SLC24A2: variants seen among roughly 807,000 people sequenced by gnomAD.
SLC24A2 encodes sodium/potassium/calcium exchanger 2.
A neutral mutation model predicts 62.0 loss-of-function variants in SLC24A2; 36 were observed. The ratio of observed to expected loss-of-function variants is 0.58; its 90% confidence interval spans 0.44 to 0.77. The LOEUF (loss-of-function observed/expected upper bound fraction) is 0.77, where lower values mean the gene tolerates loss of function less well. Ranked by LOEUF, SLC24A2 falls within the 30% of genes least tolerant of loss-of-function variation. SLC24A2 has a pLI of 0.00. For missense variants in SLC24A2, 846 were observed against 817.9 expected (o/e 1.03, Z -0.42); for synonymous variants, 358 against 294.0 (o/e 1.22, Z -2.23).
intron 2 of SLC24A2, among the ~76,000 whole-genome samples, chr9:19,709,124 C>T (rs1820630999): frequency 6.6e-6 from 1 of 152,132 alleles, no homozygotes; most frequent in Non-Finnish European, 1.5e-5. Context: ...CAAAAGAAGA[C>T]ATTTATGCAG....
At chr9:19,726,768 A>G (rs1821183644) in intron 2 of SLC24A2, among the ~76,000 whole-genome samples, 1 of 152,184 alleles carries the variant, frequency 6.6e-6, no homozygotes, top group African/African-American at 2.4e-5. Flanking sequence ...TGTTCTATAG[A>G]ATATTTTTGC....
At chr9:20,132,777 T>C in the SLC24A2 span, among the ~76,000 whole-genome samples, 3 of 152,188 alleles carry the variant, frequency 2.0e-5, no homozygotes, top group African/African-American at 4.8e-5. Flanking sequence ...GGTTTTCTTA[T>C]GTTTTTAGGT....
chr9:19,988,432 A>G, the SLC24A2 span, among the ~76,000 whole-genome samples: 2 of 152,176 alleles, frequency 1.3e-5, no homozygotes, highest in African/African-American at 2.4e-5. Context: ...CAACACTTCA[A>G]TATGGGTCAG....
the SLC24A2 span, among the ~76,000 whole-genome samples, chr9:20,094,792 A>G: frequency 6.6e-6 from 1 of 152,302 alleles, no homozygotes; most frequent in South Asian, 2.1e-4. Context: ...TTTCCAAATG[A>G]CCAGTGTATG....
intron 2 of SLC24A2, among the ~76,000 whole-genome samples, chr9:19,692,544 C>T (rs1001468032): frequency 5.9e-5 from 9 of 152,068 alleles, no homozygotes; most frequent in Admixed American, 4.6e-4. Flanking sequence ...ACATGAAACA[C>T]GGCCTTCTCT....
the SLC24A2 span, among the ~76,000 whole-genome samples, chr9:19,837,989 C>G: frequency 2.0e-5 from 3 of 151,674 alleles, no homozygotes; most frequent in Middle Eastern, 3.4e-3. Flanking sequence ...AATGGCCATA[C>G]TGCCCAAGGT....
the SLC24A2 span, among the ~76,000 whole-genome samples, chr9:20,019,249 G>GAA: frequency 1.6e-4 from 13 of 80,268 alleles, no homozygotes; most frequent in Non-Finnish European, 3.0e-4. Flanking sequence ...AAGAAAGAAG[G>GAA]AAAGAGAAAG....
intron 2 of SLC24A2, among the ~76,000 whole-genome samples, chr9:19,638,934 T>C (rs563192945): frequency 3.5e-5 from 5 of 144,800 alleles, no homozygotes; most frequent in Non-Finnish European, 7.5e-5. Context: ...ATTTCTACCT[T>C]TGAACAAATC....
the SLC24A2 span, among the ~76,000 whole-genome samples, chr9:20,253,170 G>C: frequency 6.6e-6 from 1 of 152,198 alleles, no homozygotes; most frequent in African/African-American, 2.4e-5. Flanking sequence ...TTCTAAAGCA[G>C]GGCAAAGAAA....
At chr9:19,862,292 T>C in the SLC24A2 span, among the ~76,000 whole-genome samples, 197 of 152,262 alleles carry the variant, frequency 1.3e-3, 2 homozygotes, top group African/African-American at 4.6e-3. Context: ...TGGTATGACA[T>C]ATTTAAAATA....
At chr9:20,041,938 TC>T in the SLC24A2 span, among the ~76,000 whole-genome samples, 3 of 152,172 alleles carry the variant, frequency 2.0e-5, no homozygotes, top group African/African-American at 7.2e-5. Flanking sequence ...CCCCTTTCTG[TC>T]CCCTCAGGTG....
chr9:19,875,927 G>A, the SLC24A2 span, among the ~76,000 whole-genome samples: 1 of 152,140 alleles, frequency 6.6e-6, no homozygotes, highest in African/African-American at 2.4e-5. Flanking sequence ...GTTGTGCATG[G>A]TAATGTGATA....
chr9:20,004,843 T>A, the SLC24A2 span, among the ~76,000 whole-genome samples: 2 of 152,098 alleles, frequency 1.3e-5, no homozygotes, highest in East Asian at 1.9e-4. Flanking sequence ...GATTTCATAA[T>A]TGAACCTGAG....
the SLC24A2 span, among the ~76,000 whole-genome samples, chr9:20,059,865 T>C: frequency 7.9e-5 from 12 of 151,920 alleles, no homozygotes; most frequent in Non-Finnish European, 1.5e-4. Flanking sequence ...AAACCAAAAG[T>C]TGGTTGTTTG....
chr9:19,649,476 G>A (rs1818738437), intron 2 of SLC24A2, among the ~76,000 whole-genome samples: 1 of 152,138 alleles, frequency 6.6e-6, no homozygotes, highest in Non-Finnish European at 1.5e-5. Flanking sequence ...TGATAGGGGT[G>A]GGGGTAGGGG....
chr9:19,529,939 G>C (rs1453293055), intron 8 of SLC24A2, among the ~76,000 whole-genome samples: 1 of 151,756 alleles, frequency 6.6e-6, no homozygotes, highest in Non-Finnish European at 1.5e-5. Flanking sequence ...TTTTAGTAGA[G>C]GCAGGGTTTC....
chr9:19,691,501 C>T (rs573683345), intron 2 of SLC24A2, among the ~76,000 whole-genome samples: 10 of 152,262 alleles, frequency 6.6e-5, no homozygotes, highest in South Asian at 2.1e-4. Flanking sequence ...GTCATCCATG[C>T]ACTACCATCA....
chr9:19,750,231 G>A (rs975460383), intron 2 of SLC24A2, among the ~76,000 whole-genome samples: 2 of 151,984 alleles, frequency 1.3e-5, no homozygotes, highest in Non-Finnish European at 2.9e-5. Context: ...AAGGCCCAGG[G>A]GCCACTGCAA....
At chr9:20,238,697 A>G in the SLC24A2 span, among the ~76,000 whole-genome samples, 5 of 152,172 alleles carry the variant, frequency 3.3e-5, no homozygotes, top group Non-Finnish European at 5.9e-5. Context: ...CCCAGTGTAC[A>G]TGTCTTAGCT....
Sources: allele counts gnomAD v4.1 joint callset (sites outside exome capture counted in the v4.1 genomes callset), GRCh38; gene constraint gnomAD v4.1.1; transcripts MANE v1.5; gene names NCBI Gene and HGNC (gene_info 2026-07-23, HGNC 2026-07-21).